UBE2R2: variants seen among roughly 807,000 people sequenced by gnomAD.
The protein encoded by UBE2R2 is ubiquitin-conjugating enzyme E2 R2.
Under a neutral mutation model 27.8 loss-of-function variants are expected in UBE2R2, and 1 was observed. The ratio of observed to expected loss-of-function variants is 0.04; its 90% confidence interval spans 0.01 to 0.17. The LOEUF is 0.17. UBE2R2 is among the 10% of genes least tolerant of loss of function. UBE2R2 has a pLI of 1.00. For missense variants in UBE2R2, 100 were observed against 291.0 expected (o/e 0.34, Z 4.78); for synonymous variants, 106 against 113.3 (o/e 0.94, Z 0.41).
At chr9:33,899,746 G>A (rs1443050300) in intron 2 of UBE2R2, among the ~76,000 whole-genome samples, 4 of 151,698 alleles carry the variant, frequency 2.6e-5, no homozygotes, top group Admixed American at 6.6e-5. Context: ...TGGTCCACCC[G>A]CCTTGGCCTC....
chr9:33,826,933 A>G (rs1457575900), intron 1 of UBE2R2, among the ~76,000 whole-genome samples: 1 of 152,040 alleles, frequency 6.6e-6, no homozygotes, highest in African/African-American at 2.4e-5. Flanking sequence ...AAATCCAAAA[A>G]TTAGCCAGGC....
At chr9:33,910,071 C>T (rs556930443) in intron 3 of UBE2R2, among the ~76,000 whole-genome samples, 14 of 152,252 alleles carry the variant, frequency 9.2e-5, no homozygotes, top group African/African-American at 3.4e-4. Context: ...CCCATTTTCT[C>T]CTAATGCACA....
intron 1 of UBE2R2, among the ~76,000 whole-genome samples, chr9:33,879,850 T>C (rs535482019): frequency 1.0e-3 from 148 of 148,368 alleles, no homozygotes; most frequent in Non-Finnish European, 1.6e-3. Context: ...TTTAATTTCA[T>C]AGTCTGTCCT....
At chr9:33,890,190 A>G (rs1821947433) in intron 2 of UBE2R2, among the ~76,000 whole-genome samples, 1 of 152,202 alleles carries the variant, frequency 6.6e-6, no homozygotes, top group African/African-American at 2.4e-5. Flanking sequence ...TTAGATCATG[A>G]TATAAAATTT....
chr9:33,862,274 A>G (rs527423109), intron 1 of UBE2R2, among the ~76,000 whole-genome samples: 2 of 152,098 alleles, frequency 1.3e-5, no homozygotes, highest in African/African-American at 4.8e-5. Context: ...CATCATTATA[A>G]CCTAGACTTT....
chr9:33,902,470 G>A (rs1822264862), intron 3 of UBE2R2, among the ~76,000 whole-genome samples: 1 of 152,160 alleles, frequency 6.6e-6, no homozygotes, highest in Non-Finnish European at 1.5e-5. Flanking sequence ...TTGGGTTGCA[G>A]CTATTATTTT....
intron 1 of UBE2R2, among the ~76,000 whole-genome samples, chr9:33,886,560 C>T (rs1480880822): frequency 6.7e-6 from 1 of 149,470 alleles, no homozygotes; most frequent in Admixed American, 6.8e-5. Context: ...GAGGCTGAGG[C>T]AGGAGAATCG....
chr9:33,877,823 G>GTCTGTCTGTCTGTCTGTCTCTCTTTC, intron 1 of UBE2R2, among the ~76,000 whole-genome samples: 9 of 131,128 alleles, frequency 6.9e-5, no homozygotes, highest in East Asian at 4.2e-4. Context: ...CTGTCTGTCT[G>GTCTGTCTGTCTGTCTGTCTCTCTTTC]TCTCTCTCTC....
intron 1 of UBE2R2, among the ~76,000 whole-genome samples, chr9:33,864,019 C>T (rs748873017): frequency 1.3e-5 from 2 of 152,032 alleles, no homozygotes; most frequent in South Asian, 2.1e-4. Flanking sequence ...GATGGGGTTT[C>T]ACCATGTTGG....
chr9:33,897,775 C>CTT (rs35277355), intron 2 of UBE2R2, among the ~76,000 whole-genome samples: 2,128 of 127,938 alleles, frequency 0.017, 82 homozygotes, highest in African/African-American at 0.057. Flanking sequence ...TTTCTTTTTT[C>CTT]TTTTTTTTTT....
chr9:33,887,210 C>T (rs1821879413), intron 2 of UBE2R2, among the ~76,000 whole-genome samples: 1 of 152,128 alleles, frequency 6.6e-6, no homozygotes, highest in African/African-American at 2.4e-5. Context: ...TAGACTTTTG[C>T]TGTTCATTGC....
intron 1 of UBE2R2, among the ~76,000 whole-genome samples, chr9:33,837,968 C>T (rs930638768): frequency 2.0e-5 from 3 of 151,998 alleles, no homozygotes; most frequent in Non-Finnish European, 4.4e-5. Flanking sequence ...TAGAAGTATA[C>T]ATAGTTTTAT....
intron 4 of UBE2R2, among the ~76,000 whole-genome samples, chr9:33,913,056 G>A (rs1005892336): frequency 2.6e-5 from 4 of 151,962 alleles, no homozygotes; most frequent in African/African-American, 9.7e-5. Flanking sequence ...TATCTCCTGG[G>A]TTCAAGCAAT....
chr9:33,906,382 A>G (rs1211675045), intron 3 of UBE2R2, among the ~76,000 whole-genome samples: 2 of 152,118 alleles, frequency 1.3e-5, no homozygotes, highest in African/African-American at 4.8e-5. Flanking sequence ...TCGGCCTCCC[A>G]AAGTGCTGGG....
chr9:33,817,064 G>A (rs1825788938), upstream of UBE2R2, among the ~76,000 whole-genome samples: 2 of 151,606 alleles, frequency 1.3e-5, no homozygotes, highest in Admixed American at 6.5e-5. Context: ...GGGGAGGGAG[G>A]GGCACGCGCA....
At chr9:33,857,654 A>G (rs1221418004) in intron 1 of UBE2R2, among the ~76,000 whole-genome samples, 3 of 152,212 alleles carry the variant, frequency 2.0e-5, no homozygotes, top group Admixed American at 6.5e-5. Context: ...TGTTACTATG[A>G]TAAACTATAC....
chr9:33,908,210 C>T (rs1166096023), intron 3 of UBE2R2, among the ~76,000 whole-genome samples: 1 of 152,212 alleles, frequency 6.6e-6, no homozygotes, highest in South Asian at 2.1e-4. Flanking sequence ...TCACATCCAT[C>T]CATCTGCCTG....
intron 4 of UBE2R2, among the ~76,000 whole-genome samples, chr9:33,916,138 C>T (rs183115942): frequency 6.4e-4 from 97 of 152,232 alleles, no homozygotes; most frequent in African/African-American, 2.2e-3. Context: ...GCCAGGAGTT[C>T]GAGACCAGCC....
chr9:33,835,572 A>T (rs1222453599), intron 1 of UBE2R2, among the ~76,000 whole-genome samples: 2 of 151,974 alleles, frequency 1.3e-5, no homozygotes, highest in African/African-American at 4.8e-5. Context: ...ATGTCCTTAC[A>T]ATTTTTGTTT....
Sources: allele counts gnomAD v4.1 joint callset (sites outside exome capture counted in the v4.1 genomes callset), GRCh38; gene constraint gnomAD v4.1.1; transcripts MANE v1.5; gene names NCBI Gene and HGNC (gene_info 2026-07-23, HGNC 2026-07-21).